CCSER1: variants seen among roughly 807,000 people sequenced by gnomAD.
The protein encoded by CCSER1 is coiled-coil serine rich protein 1.
In CCSER1, 41 loss-of-function variants were observed where a neutral mutation model predicts 82.0. The observed-to-expected ratio is 0.50, with a 90% CI of 0.39 to 0.65. The LOEUF is 0.65. CCSER1 is among the 30% of genes least tolerant of loss of function. The pLI is 0.00. For missense variants in CCSER1, 1,119 were observed against 1,064.2 expected (o/e 1.05, Z -0.72); for synonymous variants, 414 against 383.9 (o/e 1.08, Z -0.92).
intron 10 of CCSER1, among the ~76,000 whole-genome samples, chr4:91,321,393 A>G (rs1746183599): frequency 6.6e-6 from 1 of 151,800 alleles, no homozygotes; most frequent in African/African-American, 2.4e-5. Flanking sequence ...TAGAAGAAAC[A>G]TTTTTTTTAG....
intron 1 of CCSER1, among the ~76,000 whole-genome samples, chr4:90,157,947 G>A (rs922573948): frequency 1.6e-4 from 25 of 152,144 alleles, no homozygotes; most frequent in Admixed American, 3.3e-4. Flanking sequence ...GAGGAGAGGC[G>A]CTCTGCTTTT....
At chr4:91,370,414 T>C (rs1749949419) in intron 10 of CCSER1, among the ~76,000 whole-genome samples, 1 of 152,132 alleles carries the variant, frequency 6.6e-6, no homozygotes, top group Non-Finnish European at 1.5e-5. Context: ...AAAAAATGTT[T>C]TGCCGGGCAT....
chr4:90,189,489 G>C (rs1735222106), intron 1 of CCSER1, among the ~76,000 whole-genome samples: 1 of 151,754 alleles, frequency 6.6e-6, no homozygotes. Context: ...ATGTGCGCAA[G>C]TATGTTTAGT....
At chr4:90,155,266 T>C (rs899948851) in intron 1 of CCSER1, among the ~76,000 whole-genome samples, 11 of 152,054 alleles carry the variant, frequency 7.2e-5, no homozygotes, top group African/African-American at 2.2e-4. Flanking sequence ...TGATGTGCTG[T>C]TGGATTCAGT....
At chr4:90,815,872 G>A (rs1327027802) in intron 8 of CCSER1, 27 bp downstream of exon 8, 4 of 1,468,302 alleles carry the variant, frequency 2.7e-6, no homozygotes, top group African/African-American at 1.4e-5. Flanking sequence ...CTTGGCCCAC[G>A]AGTGTACTTT....
intron 10 of CCSER1, among the ~76,000 whole-genome samples, chr4:91,538,444 A>G (rs1400047847): frequency 6.6e-6 from 1 of 151,546 alleles, no homozygotes; most frequent in African/African-American, 2.4e-5. Flanking sequence ...CCAAAAAAAT[A>G]AAAAACAGCA....
chr4:90,767,440 T>G lies in CCSER1; in HGVS notation c.2010+43449T>G, dbSNP rs137916235. 2.8e-4 allele frequency among the ~76,000 whole-genome samples: 42 copies of G among 152,338 alleles called. No individual in the cohort carries two copies. The East Asian group carries it at 7.9e-3, about 29-fold the overall frequency. On this transcript the variant is annotated intron_variant, in intron 7 of 10. Transcript: ENST00000509176. ...CTTTGAAAATTACCTTTGACCTTTT[T>G]CTCACTAGATATCAATTGAATTCCA...
intron 3 of CCSER1, among the ~76,000 whole-genome samples, chr4:90,398,206 A>T (rs1304589005): frequency 2.0e-5 from 3 of 152,074 alleles, no homozygotes; most frequent in Non-Finnish European, 2.9e-5. Context: ...TTATAAGAAC[A>T]CCAGTCCCAT....
At chr4:90,892,954 A>T (rs540536971) in intron 8 of CCSER1, among the ~76,000 whole-genome samples, 1 of 152,066 alleles carries the variant, frequency 6.6e-6, no homozygotes, top group African/African-American at 2.4e-5. Flanking sequence ...CTGTATTAAT[A>T]CTGTGATTAC....
chr4:90,949,073 A>T (rs1281813658), intron 9 of CCSER1, among the ~76,000 whole-genome samples: 1 of 152,072 alleles, frequency 6.6e-6, no homozygotes, highest in Non-Finnish European at 1.5e-5. Flanking sequence ...AAATTTTAGG[A>T]TTATCTTATA....
intron 6 of CCSER1, among the ~76,000 whole-genome samples, chr4:90,656,712 C>T (rs1729765890): frequency 6.6e-6 from 1 of 151,768 alleles, no homozygotes; most frequent in Admixed American, 6.6e-5. Flanking sequence ...ATTTGTCCCT[C>T]TTGTTCTATG....
intron 1 of CCSER1, among the ~76,000 whole-genome samples, chr4:90,133,435 C>T (rs1723135283): frequency 6.6e-6 from 1 of 152,118 alleles, no homozygotes; most frequent in South Asian, 2.1e-4. Flanking sequence ...GTTTTGTTGA[C>T]TCTCCTGTGA....
chr4:90,750,615 C>T (rs1349637171), intron 7 of CCSER1, among the ~76,000 whole-genome samples: 1 of 152,128 alleles, frequency 6.6e-6, no homozygotes, highest in African/African-American at 2.4e-5. Context: ...TCTTAAAATG[C>T]TCCTCTCTTT....
chr4:90,939,993 C>G (rs762665108), intron 9 of CCSER1, among the ~76,000 whole-genome samples: 1 of 152,178 alleles, frequency 6.6e-6, no homozygotes, highest in African/African-American at 2.4e-5. Flanking sequence ...AAAACTCCAT[C>G]CCCTTAAATT....
intron 10 of CCSER1, among the ~76,000 whole-genome samples, chr4:91,501,403 G>A (rs1471859379): frequency 6.6e-6 from 1 of 151,638 alleles, no homozygotes; most frequent in Non-Finnish European, 1.5e-5. Context: ...AATATATTAG[G>A]ATAGTTTCTG....
intron 10 of CCSER1, among the ~76,000 whole-genome samples, chr4:91,204,255 A>G (rs1342990801): frequency 6.6e-6 from 1 of 151,902 alleles, no homozygotes; most frequent in African/African-American, 2.4e-5. Context: ...ACAGGGCACA[A>G]TGTAGACACA....
chr4:91,056,003 C>A (rs1743412603), intron 9 of CCSER1, among the ~76,000 whole-genome samples: 2 of 151,966 alleles, frequency 1.3e-5, no homozygotes, highest in South Asian at 4.1e-4. Context: ...TCATTTTTGT[C>A]ATTGTACTTT....
At chr4:90,982,145 A>T (rs1736169688) in intron 9 of CCSER1, among the ~76,000 whole-genome samples, 1 of 151,868 alleles carries the variant, frequency 6.6e-6, no homozygotes, top group Admixed American at 6.6e-5. Flanking sequence ...TTACAGTTTT[A>T]AAATCTGAGA....
chr4:90,522,462 G>A (rs1043319505), intron 5 of CCSER1, among the ~76,000 whole-genome samples: 1 of 151,988 alleles, frequency 6.6e-6, no homozygotes, highest in African/African-American at 2.4e-5. Flanking sequence ...GATCTATACT[G>A]GTATCAGTTA....
Sources: allele counts gnomAD v4.1 joint callset (sites outside exome capture counted in the v4.1 genomes callset), GRCh38; gene constraint gnomAD v4.1.1; transcripts MANE v1.5; gene names NCBI Gene and HGNC (gene_info 2026-07-23, HGNC 2026-07-21).